Variants in ACAP2 observed in about 807,000 individuals in gnomAD.
ACAP2 encodes the protein ArfGAP with coiled-coil, ankyrin repeat and PH domains 2, also known as arf-GAP with coiled-coil, ANK repeat and PH domain-containing protein 2.
Under a neutral mutation model 115.8 loss-of-function variants are expected in ACAP2, and 39 were observed. The ratio of observed to expected loss-of-function variants is 0.34; its 90% CI spans 0.26 to 0.44. ACAP2 has a LOEUF of 0.44. ACAP2 is among the 20% of genes least tolerant of loss of function. The pLI is 1.00. For missense variants in ACAP2, 662 were observed against 927.6 expected, an observed-to-expected ratio of 0.71 and a Z score of 3.72; for synonymous variants, 289 against 315.8, an observed-to-expected ratio of 0.92 and a Z score of 0.90.
intron 1 of ACAP2, among the ~76,000 whole-genome samples, chr3:195,399,943 C>T (rs1712128839): frequency 6.6e-6 from 1 of 152,004 alleles, no homozygotes; most frequent in African/African-American, 2.4e-5. Context: ...CTTTGGGAGG[C>T]CGAGGTGGGA....
At chr3:195,308,141 C>A (rs1312247748) in intron 11 of ACAP2, among the ~76,000 whole-genome samples, 1 of 152,078 alleles carries the variant, frequency 6.6e-6, no homozygotes, top group Non-Finnish European at 1.5e-5. Context: ...ACGATATTAA[C>A]AAATTTAAGG....
At chr3:195,404,124 T>TGA (rs1712538948) in intron 1 of ACAP2, among the ~76,000 whole-genome samples, 1 of 152,074 alleles carries the variant, frequency 6.6e-6, no homozygotes, top group Admixed American at 6.6e-5. Flanking sequence ...AAGAATCACT[T>TGA]GAGCCCAGGA....
At chr3:195,328,301 A>G (rs1212703180) in intron 8 of ACAP2, among the ~76,000 whole-genome samples, 4 of 152,208 alleles carry the variant, frequency 2.6e-5, no homozygotes, top group African/African-American at 9.7e-5. Context: ...TTTTAAAACT[A>G]AATTTTTAAA....
intron 13 of ACAP2, among the ~76,000 whole-genome samples, chr3:195,302,717 A>G (rs944948389): frequency 3.3e-5 from 5 of 152,364 alleles, no homozygotes; most frequent in African/African-American, 1.2e-4. Flanking sequence ...AATCAAATAT[A>G]GAACATACAA....
intron 1 of ACAP2, among the ~76,000 whole-genome samples, chr3:195,409,879 CAAAAAAAAAAA>C (rs59779977): frequency 7.0e-5 from 4 of 56,980 alleles, no homozygotes; most frequent in African/African-American, 2.4e-4. Context: ...GACTCCATCT[CAAAAAAAAAAA>C]AAAAAAAAAA....
At chr3:195,344,090 C>T (rs969986646) in intron 5 of ACAP2, among the ~76,000 whole-genome samples, 1 of 152,122 alleles carries the variant, frequency 6.6e-6, no homozygotes, top group African/African-American at 2.4e-5. Flanking sequence ...TGGTGGTCCA[C>T]GCCTGTAGTC....
intron 20 of ACAP2, among the ~76,000 whole-genome samples, chr3:195,290,943 G>A (rs1432446230): frequency 5.3e-5 from 8 of 152,126 alleles, no homozygotes; most frequent in Admixed American, 4.6e-4. Flanking sequence ...GAGCCTAGGA[G>A]TTCAAGGCTG....
At chr3:195,282,879 A>G (rs1726594660) in intron 22 of ACAP2, 1 of 152,220 alleles carries the variant, frequency 6.6e-6, no homozygotes, top group Non-Finnish European at 1.5e-5. Flanking sequence ...GGTATTCAGA[A>G]TATCTACCAC....
chr3:195,342,475 A>C lies in ACAP2; in HGVS notation c.524T>G (p.Leu175Arg). 1 of 1,598,742 alleles carries C rather than the reference A, an allele frequency of 6.3e-7. No individual in the cohort carries two copies. The highest frequency in any genetic ancestry group is 8.5e-7 in the Non-Finnish European group (1 of 1,176,066). The change falls in exon 6 of 23, where the codon CTT (leucine) becomes CGT (arginine). Residue 175 changes from leucine (L) to arginine (R), a missense_variant. Leu to Arg is a moderately radical substitution (Grantham distance 102, BLOSUM62 -2). Transcript: ENST00000326793. ...ACACAGTAAGAAACTATATACCTGA[A>C]GCACATAATCGAGGGCTATGTGTCG... is the stretch of plus-strand genomic sequence containing the variant. ...CFRHIALDYV[L>R]QINVLQSKRR...
Position 195,306,509 on chromosome 3 carries a change from A to T in ACAP2, c.1116+2T>A. On this transcript the variant is annotated splice_donor_variant, in intron 13 of 22. Coordinates refer to ENST00000326793, the MANE Select transcript of ACAP2 (RefSeq NM_012287.6). LOFTEE classifies it high-confidence loss of function. ...TCTGGTATTGCTAATACCTCTACTA[A>T]CCTCTGATTCATCACCCTTCTCTCT... 6.3e-7 allele frequency: 1 copy of T among 1,598,100 alleles called. No homozygotes were observed.
At chr3:195,372,627 G>C (rs1482982152) in intron 4 of ACAP2, among the ~76,000 whole-genome samples, 1 of 151,976 alleles carries the variant, frequency 6.6e-6, no homozygotes, top group African/African-American at 2.4e-5. Context: ...TTCAAGACCA[G>C]CCTGGGCAAC....
In ACAP2 at chr3:195,348,260, T is replaced by C. The variant is rs1019703920; in HGVS notation, c.286-2943A>G. Among the ~76,000 whole-genome samples the C allele has an allele frequency of 4.6e-5, 7 of 150,758 alleles. No individual in the cohort carries two copies. The East Asian group carries it at 5.8e-4, about 13-fold the overall frequency. ...GTAAAGCTGTTTCAACTTCTAATTATAAAATATCAGAAAGAAATGGCACAC... is the reference window on the plus strand; with the variant it reads ...GTAAAGCTGTTTCAACTTCTAATTACAAAATATCAGAAAGAAATGGCACAC... On this transcript the variant is annotated intron_variant, in intron 4 of 22. Coordinates refer to ENST00000326793, the MANE Select transcript of ACAP2 (RefSeq NM_012287.6).
intron 4 of ACAP2, chr3:195,349,601 T>TA (rs1299540057): frequency 3.3e-3 from 506 of 151,942 alleles, no homozygotes; most frequent in South Asian, 0.01. Context: ...TCAGAGAAAT[T>TA]AAAAAAAAAA....
chr3:195,288,655 C>T (rs1187627703), intron 21 of ACAP2, among the ~76,000 whole-genome samples: 3 of 152,078 alleles, frequency 2.0e-5, no homozygotes, highest in African/African-American at 7.2e-5. Context: ...GTCAGGAGTT[C>T]GAGACCAGCC....
At chr3:195,434,512 A>C (rs1446562765) in intron 1 of ACAP2, among the ~76,000 whole-genome samples, 1 of 152,208 alleles carries the variant, frequency 6.6e-6, no homozygotes, top group African/African-American at 2.4e-5. Flanking sequence ...CTGGGAATAT[A>C]GGCATAAGCC....
intron 1 of ACAP2, among the ~76,000 whole-genome samples, chr3:195,403,596 T>C (rs977179394): frequency 6.6e-6 from 1 of 152,240 alleles, no homozygotes; most frequent in Non-Finnish European, 1.5e-5. Flanking sequence ...GATTTCTTGA[T>C]GAATTAGATG....
At chr3:195,369,881 T>C (rs1216147029) in intron 4 of ACAP2, among the ~76,000 whole-genome samples, 1 of 152,226 alleles carries the variant, frequency 6.6e-6, no homozygotes, top group Non-Finnish European at 1.5e-5. Flanking sequence ...ATCAGCAGTG[T>C]ATAAGCAAGC....
chr3:195,367,318 T>TC (rs1345805992), intron 4 of ACAP2, among the ~76,000 whole-genome samples: 1 of 152,162 alleles, frequency 6.6e-6, no homozygotes, highest in Non-Finnish European at 1.5e-5. Context: ...ATCAGTTATC[T>TC]CAAACTTTAC....
At chr3:195,366,563 A>G (rs1356770661) in intron 4 of ACAP2, among the ~76,000 whole-genome samples, 1 of 152,222 alleles carries the variant, frequency 6.6e-6, no homozygotes, top group Non-Finnish European at 1.5e-5. Context: ...GAAATGGAGA[A>G]TCTGAATCTG....
Sources: gnomAD v4.1 joint callset for allele counts (sites outside exome capture counted in the v4.1 genomes callset) on GRCh38, gnomAD v4.1.1 for gene constraint, MANE v1.5 for transcripts, NCBI Gene and HGNC (gene_info 2026-07-23, HGNC 2026-07-21) for gene names.